LINGO1: variants seen among roughly 807,000 people sequenced by gnomAD.
LINGO1 encodes leucine rich repeat and Ig domain containing 1, also known as leucine-rich repeat and immunoglobulin-like domain-containing nogo receptor-interacting protein 1.
In LINGO1, 11 loss-of-function variants were observed where a neutral mutation model predicts 37.3. The observed-to-expected ratio is 0.29, with a 90% CI of 0.19 to 0.49. The LOEUF (loss-of-function observed/expected upper bound fraction) is 0.49. LINGO1 is among the 20% of genes least tolerant of loss of function. The pLI is 0.99. For synonymous variants in LINGO1, 387 were observed against 403.0 expected (o/e 0.96, Z 0.48); for missense variants, 585 against 878.2 (o/e 0.67, Z 4.22).
intron 2 of LINGO1, among the ~76,000 whole-genome samples, chr15:77,702,663 G>T (rs546443989): frequency 2.9e-4 from 44 of 152,254 alleles, no homozygotes; most frequent in Admixed American, 7.8e-4. Context: ...CCCCATGGTG[G>T]TGGTTTGGTT....
chr15:77,615,677 T>C lies in LINGO1; in HGVS notation c.230A>G (p.Asp77Gly). The C allele has an allele frequency of 6.3e-7, 1 of 1,598,100 alleles. No homozygotes were observed. Among genetic ancestry groups the C allele is most frequent in the Admixed American group, 1.7e-5 (1 of 59,246 alleles). The change falls in exon 2 of 2, where the codon GAC (aspartate) becomes GGC (glycine). Residue 77 changes from aspartate to glycine, a missense_variant. Physicochemically the swap from Asp to Gly is moderately conservative, Grantham distance 94. Transcript: ENST00000355300. ...CGTTTTGATGCGGTTCTTGCCTAGGTCCAGCAGGCGCGTCTCGGTGGGGAT... is the reference window on the plus strand; with the variant it reads ...CGTTTTGATGCGGTTCTTGCCTAGGCCCAGCAGGCGCGTCTCGGTGGGGAT... ...EGIPTETRLL[D>G]LGKNRIKTLN...
At chr15:77,709,464 G>C (rs2075892080) in intron 2 of LINGO1, among the ~76,000 whole-genome samples, 1 of 152,214 alleles carries the variant, frequency 6.6e-6, no homozygotes, top group South Asian at 2.1e-4. Context: ...TGGCCAGTCA[G>C]GGACAGCGGC....
chr15:77,820,402 AAGG>A (rs923108777), upstream of LINGO1: 3 of 152,688 alleles, frequency 2.0e-5, no homozygotes, highest in East Asian at 1.9e-4. Context: ...GAGGTGAGTC[AAGG>A]AGAAGGACGG....
intron 2 of LINGO1, among the ~76,000 whole-genome samples, chr15:77,702,355 G>C (rs1483052312): frequency 6.6e-6 from 1 of 152,150 alleles, no homozygotes. Flanking sequence ...CCCATGCCAA[G>C]GGGAAGTGCT....
intron 1 of LINGO1, among the ~76,000 whole-genome samples, chr15:77,626,781 C>G (rs8026164): frequency 0.17 from 26,602 of 152,144 alleles, 4,957 homozygotes; most frequent in African/African-American, 0.47. Context: ...GACAGAAGGT[C>G]TGCCTCGGTA....
At chr15:77,819,145 C>A (rs2077074250) in intron 1 of LINGO1, 1 of 150,268 alleles carries the variant, frequency 6.7e-6, no homozygotes, top group Admixed American at 6.6e-5. Context: ...CCGCCGCTGC[C>A]CCCGAGGCTC....
Position 77,716,997 on chromosome 15 carries a change from G to C in LINGO1, c.-195+17995C>G, listed in dbSNP as rs1188069389. On this transcript the variant is annotated intron_variant, in intron 2 of 3. Coordinates refer to the LINGO1 transcript ENST00000561686. ...ATAAAAAGAGAAGAGAAAACAATAA[G>C]AGAAAGAAGGGAAACAGGAGAGAGG... Among the ~76,000 whole-genome samples, 3 of 150,498 alleles carry C rather than the reference G, an allele frequency of 2.0e-5. 1 individual carries two copies. The East Asian group carries it at 6.3e-4, about 32-fold the overall frequency.
intron 3 of LINGO1, among the ~76,000 whole-genome samples, chr15:77,672,736 G>A (rs548890894): frequency 1.3e-5 from 2 of 152,342 alleles, no homozygotes; most frequent in African/African-American, 4.8e-5. Context: ...GAATTGCAGT[G>A]CAGGCTGACA....
At chr15:77,695,520 G>T (rs1425059576) in intron 1 of LINGO1, among the ~76,000 whole-genome samples, 2 of 152,192 alleles carry the variant, frequency 1.3e-5, no homozygotes, top group Non-Finnish European at 2.9e-5. Flanking sequence ...ATCCCCAGAT[G>T]CCCAGGCCCA....
At chr15:77,635,037 C>A (rs1022939040), upstream of LINGO1, among the ~76,000 whole-genome samples, 2 of 152,178 alleles carry the variant, frequency 1.3e-5, no homozygotes, top group African/African-American at 4.8e-5. Context: ...TGGGGGAGAG[C>A]CCACTCATTC....
At chr15:77,677,615 G>A (rs1055599394) in intron 2 of LINGO1, among the ~76,000 whole-genome samples, 6 of 151,926 alleles carry the variant, frequency 3.9e-5, no homozygotes, top group Non-Finnish European at 7.4e-5. Flanking sequence ...CTCAGCCCCA[G>A]CACCGCTCAA....
intron 1 of LINGO1, among the ~76,000 whole-genome samples, chr15:77,785,812 C>G (rs2076765379): frequency 6.6e-6 from 1 of 152,200 alleles, no homozygotes; most frequent in African/African-American, 2.4e-5. Context: ...GCTTTTATCT[C>G]CTTCCCTTTC....
intron 1 of LINGO1, among the ~76,000 whole-genome samples, chr15:77,781,262 C>T (rs916017732): frequency 1.3e-5 from 2 of 152,190 alleles, no homozygotes; most frequent in Non-Finnish European, 2.9e-5. Flanking sequence ...TTTTCCTCTT[C>T]TGCCTCCAGC....
chr15:77,702,616 G>C (rs969775160), intron 2 of LINGO1, among the ~76,000 whole-genome samples: 1 of 152,190 alleles, frequency 6.6e-6, no homozygotes, highest in African/African-American at 2.4e-5. Context: ...GGAAACTGAG[G>C]CTCAGACCAA....
intron 1 of LINGO1, among the ~76,000 whole-genome samples, chr15:77,771,234 C>T (rs2076582022): frequency 1.3e-5 from 2 of 152,196 alleles, no homozygotes; most frequent in East Asian, 3.9e-4. Context: ...TTTGCAACCA[C>T]TTTTGAGCAC....
At chr15:77,665,962 T>C (rs1596075230) in intron 3 of LINGO1, among the ~76,000 whole-genome samples, 1 of 152,324 alleles carries the variant, frequency 6.6e-6, no homozygotes, top group African/African-American at 2.4e-5. Context: ...GAGCAAGTTT[T>C]CCCCAGCACT....
chr15:77,638,246 G>C (rs1392003182), upstream of LINGO1, among the ~76,000 whole-genome samples: 1 of 152,086 alleles, frequency 6.6e-6, no homozygotes, highest in East Asian at 1.9e-4. Context: ...ATTGGTCTGG[G>C]GCCAGTCCGT....
intron 1 of LINGO1, among the ~76,000 whole-genome samples, chr15:77,620,755 G>A (rs2073893103): frequency 1.3e-5 from 2 of 152,332 alleles, no homozygotes; most frequent in African/African-American, 4.8e-5. Flanking sequence ...TGTGGGAGGG[G>A]GGCTCAGGAT....
At chr15:77,633,047 T>C (rs2074315049), upstream of LINGO1, among the ~76,000 whole-genome samples, 1 of 151,568 alleles carries the variant, frequency 6.6e-6, no homozygotes, top group South Asian at 2.1e-4. Context: ...GTTCGTCTCC[T>C]TTCAGCGGAG....
Sources: allele counts gnomAD v4.1 joint callset (sites outside exome capture counted in the v4.1 genomes callset), GRCh38; gene constraint gnomAD v4.1.1; transcripts MANE v1.5; gene names NCBI Gene and HGNC (gene_info 2026-07-23, HGNC 2026-07-21).